FAM13B: variants seen among roughly 807,000 people sequenced by gnomAD.
FAM13B encodes the protein protein FAM13B.
In FAM13B, 60 loss-of-function variants were observed where a neutral mutation model predicts 117.3. The ratio of observed to expected loss-of-function variants is 0.51; its 90% confidence interval spans 0.42 to 0.63. The LOEUF (loss-of-function observed/expected upper bound fraction) is 0.63, where lower values mean the gene tolerates loss of function less well. Ranked by LOEUF, FAM13B falls within the 30% of genes least tolerant of loss-of-function variation. The pLI, the probability that FAM13B is intolerant of heterozygous loss-of-function variation, is 0.00. For missense variants in FAM13B, 972 were observed against 1,091.9 expected (o/e 0.89, Z 1.55); for synonymous variants, 332 against 356.1 (o/e 0.93, Z 0.76).
chr5:138,047,023 C>T (rs1199634389), intron 1 of FAM13B, among the ~76,000 whole-genome samples: 6 of 151,992 alleles, frequency 3.9e-5, no homozygotes, highest in Non-Finnish European at 8.8e-5. Flanking sequence ...GGATTACAGG[C>T]GTGAGCCACC....
chr5:137,946,215 A>T lies in FAM13B; in HGVS notation c.2244+13T>A. 1.3e-6 allele frequency: 2 copies of T among 1,569,436 alleles called. No homozygotes were observed. The highest frequency in any genetic ancestry group is 1.7e-6 in the Non-Finnish European group (2 of 1,158,854). On this transcript the variant is annotated intron_variant, in intron 19 of 23. Coordinates refer to ENST00000689681, the MANE Select transcript of FAM13B (RefSeq NM_001385994.1). ...GACATAAAATCAAATCTTTTTAGCAAGAGAGATATTACCGGCCTTCCATGT... is the reference window on the plus strand; with the variant it reads ...GACATAAAATCAAATCTTTTTAGCATGAGAGATATTACCGGCCTTCCATGT...
At chr5:138,002,039 G>A (rs974194747) in intron 7 of FAM13B, among the ~76,000 whole-genome samples, 36 of 152,004 alleles carry the variant, frequency 2.4e-4, no homozygotes, top group African/African-American at 8.2e-4. Context: ...GACATTAAAG[G>A]GATTTAACCA....
At chr5:138,004,865 G>A (rs537616115) in intron 7 of FAM13B, among the ~76,000 whole-genome samples, 2 of 152,240 alleles carry the variant, frequency 1.3e-5, no homozygotes, top group South Asian at 2.1e-4. Flanking sequence ...ATGACAGAGC[G>A]AGAGACCCTG....
At chr5:138,042,901 G>A (rs1177325549) in intron 1 of FAM13B, among the ~76,000 whole-genome samples, 2 of 152,160 alleles carry the variant, frequency 1.3e-5, no homozygotes, top group Non-Finnish European at 2.9e-5. Context: ...AGACCAGCCT[G>A]GCTAACATGG....
chr5:138,032,569 G>A (rs1277460180), intron 1 of FAM13B, among the ~76,000 whole-genome samples: 1 of 152,154 alleles, frequency 6.6e-6, no homozygotes, highest in East Asian at 1.9e-4. Flanking sequence ...CCCCCCGGCA[G>A]CCAGGGACAC....
rs759994293 is a variant in FAM13B, at chr5:137,940,043, C to T, written c.*182G>A. 1.9e-6 allele frequency: 3 copies of T among 1,613,464 alleles called. No individual in the cohort carries two copies. Among genetic ancestry groups the T allele is most frequent in the East Asian group, 4.5e-5 (2 of 44,856 alleles). ...TGGTTAATATGGAACATCACTTACG[C>T]TCCCTTGAGAGGGCCTACTTACTCT... On this transcript the variant is annotated 3_prime_UTR_variant, in exon 24 of 24. Transcript: ENST00000689681.
intron 13 of FAM13B, among the ~76,000 whole-genome samples, chr5:137,958,405 A>G (rs1428419474): frequency 2.6e-5 from 4 of 152,150 alleles, no homozygotes; most frequent in Non-Finnish European, 5.9e-5. Context: ...ATTGGCACAG[A>G]CAATGACTTG....
intron 10 of FAM13B, among the ~76,000 whole-genome samples, chr5:137,984,106 C>T (rs114303056): frequency 1.1e-3 from 170 of 152,246 alleles, no homozygotes; most frequent in African/African-American, 3.8e-3. Flanking sequence ...GTCATTATTA[C>T]AACAATGTTC....
chr5:138,030,292 G>A (rs1034409512), intron 1 of FAM13B, among the ~76,000 whole-genome samples: 4 of 152,124 alleles, frequency 2.6e-5, no homozygotes, highest in African/African-American at 4.8e-5. Context: ...TGTCCCCCAG[G>A]CTGGAATGCA....
intron 1 of FAM13B, among the ~76,000 whole-genome samples, chr5:138,022,644 G>C (rs1787067126): frequency 6.6e-6 from 1 of 152,108 alleles, no homozygotes; most frequent in South Asian, 2.1e-4. Flanking sequence ...TAACTTCAGA[G>C]ATAAGTTATT....
intron 13 of FAM13B, among the ~76,000 whole-genome samples, chr5:137,958,412 C>G (rs1221555683): frequency 1.3e-5 from 2 of 151,796 alleles, no homozygotes; most frequent in Admixed American, 1.3e-4. Flanking sequence ...CAGACAATGA[C>G]TTGGTTGGGG....
intron 7 of FAM13B, among the ~76,000 whole-genome samples, chr5:138,005,632 T>C (rs866431769): frequency 6.6e-6 from 1 of 151,938 alleles, no homozygotes; most frequent in Non-Finnish European, 1.5e-5. Flanking sequence ...TAGAAGGTCA[T>C]GTAAACACAC....
chr5:138,046,463 C>T (rs1022786401), intron 1 of FAM13B, among the ~76,000 whole-genome samples: 1 of 152,168 alleles, frequency 6.6e-6, no homozygotes, highest in Admixed American at 6.5e-5. Flanking sequence ...TTTTCTCTTT[C>T]CCTAATTGGA....
intron 10 of FAM13B, among the ~76,000 whole-genome samples, chr5:137,968,598 G>A (rs1052164554): frequency 4.6e-5 from 7 of 152,050 alleles, no homozygotes; most frequent in Admixed American, 4.6e-4. Context: ...AATTTGTGGG[G>A]GGAGGAGCCA....
At chr5:138,003,263 G>A (rs1322139551) in intron 7 of FAM13B, among the ~76,000 whole-genome samples, 4 of 151,996 alleles carry the variant, frequency 2.6e-5, no homozygotes, top group Non-Finnish European at 2.9e-5. Flanking sequence ...ACTACACACC[G>A]TGGATATTTT....
intron 5 of FAM13B, 74 bp downstream of exon 5, chr5:138,011,694 A>C: frequency 9.5e-7 from 1 of 1,057,306 alleles, no homozygotes; most frequent in Non-Finnish European, 1.4e-6. Flanking sequence ...CTGGGATTAC[A>C]GGCATGAGCC....
intron 2 of FAM13B, among the ~76,000 whole-genome samples, chr5:138,019,347 G>A (rs1281942130): frequency 2.0e-5 from 3 of 152,226 alleles, no homozygotes; most frequent in Non-Finnish European, 4.4e-5. Flanking sequence ...AGTTAGTGCT[G>A]AATGCTCCCT....
At chr5:138,022,395 G>A (rs978105251) in intron 1 of FAM13B, among the ~76,000 whole-genome samples, 2 of 152,200 alleles carry the variant, frequency 1.3e-5, no homozygotes, top group Non-Finnish European at 2.9e-5. Context: ...AAACTACACT[G>A]CAGGACTCTG....
chr5:138,026,963 A>AAATAAATG, intron 1 of FAM13B, among the ~76,000 whole-genome samples: 1 of 149,954 alleles, frequency 6.7e-6, no homozygotes, highest in Non-Finnish European at 1.5e-5. Context: ...ATAAATAAAT[A>AAATAAATG]AATAAATAAA....
Sources: allele counts gnomAD v4.1 joint callset (sites outside exome capture counted in the v4.1 genomes callset), GRCh38; gene constraint gnomAD v4.1.1; transcripts MANE v1.5; gene names NCBI Gene and HGNC (gene_info 2026-07-23, HGNC 2026-07-21).